NALF1: variants seen among roughly 807,000 people sequenced by gnomAD.
NALF1 encodes the protein NALCN channel auxiliary factor 1.
NALF1 carries 3 observed loss-of-function variants against 48.4 expected under a neutral mutation model. The ratio of observed to expected loss-of-function variants is 0.06; its 90% confidence interval spans 0.03 to 0.16. The LOEUF (loss-of-function observed/expected upper bound fraction) is 0.16. Among genes scored for constraint, NALF1 ranks in the 10% least tolerant of loss-of-function variants. The pLI, the probability that NALF1 is intolerant of heterozygous loss-of-function variation, is 1.00. For synonymous variants in NALF1, 262 were observed against 245.7 expected (o/e 1.07, Z -0.62); for missense variants, 526 against 571.5 (o/e 0.92, Z 0.81).
At chr13:107,179,679 A>C (rs1226512560) in intron 2 of NALF1, among the ~76,000 whole-genome samples, 1 of 151,420 alleles carries the variant, frequency 6.6e-6, no homozygotes, top group East Asian at 1.9e-4. Flanking sequence ...ACTAAAAAAA[A>C]AAAAAAACCA....
rs191128195 is a variant in NALF1 at position 107,181,804 on chromosome 13, C to A, written c.1088-11018G>T. The stretch of plus-strand genomic sequence containing the variant: ...TCATAAACACATTTCACTAGACATT[C>A]ATCACTAAACTAGGAAAAATATGAC... On this transcript the variant is annotated intron_variant, in intron 2 of 2. Transcript: ENST00000375915. Among the ~76,000 whole-genome samples, 332 of 152,138 alleles carry A rather than the reference C, an allele frequency of 2.2e-3. 1 individual carries two copies. Among genetic ancestry groups the A allele is most frequent in the African/African-American group, 7.4e-3 (306 of 41,552 alleles).
At chr13:107,355,120 C>T (rs892464844) in intron 1 of NALF1, among the ~76,000 whole-genome samples, 1 of 152,126 alleles carries the variant, frequency 6.6e-6, no homozygotes, top group Non-Finnish European at 1.5e-5. Flanking sequence ...AGTCTTTGGG[C>T]CGGTTGCCCT....
intron 1 of NALF1, among the ~76,000 whole-genome samples, chr13:107,758,001 A>T (rs1190598280): frequency 3.3e-5 from 5 of 152,190 alleles, no homozygotes; most frequent in Admixed American, 6.5e-5. Context: ...GAGACAGATT[A>T]TCTCTTTATT....
intron 1 of NALF1, among the ~76,000 whole-genome samples, chr13:107,485,898 C>G (rs137945921): frequency 2.8e-4 from 42 of 152,298 alleles, no homozygotes; most frequent in African/African-American, 9.6e-4. Context: ...CACCCTTCCT[C>G]TCCATCACTT....
intron 1 of NALF1, among the ~76,000 whole-genome samples, chr13:107,542,581 A>T (rs1351097412): frequency 1.3e-5 from 2 of 152,288 alleles, no homozygotes; most frequent in East Asian, 1.9e-4. Flanking sequence ...AGAACCAGAC[A>T]TCAATATCAG....
At position 107,271,814 on chromosome 13, in the gene NALF1, A is replaced by ATATATATATTTATT. The variant is rs1374366280; in HGVS notation, c.916-61060_916-61059insAATAAATATATATA. 2.4e-3 allele frequency among the ~76,000 whole-genome samples: 244 copies of ATATATATATTTATT among 102,396 alleles called. 1 individual carries two copies. Among genetic ancestry groups the ATATATATATTTATT allele is most frequent in the Non-Finnish European group, 2.8e-3 (156 of 55,116 alleles). The allele number at this position is 102,396 out of a possible 152,430, so 67.2% of individuals were successfully genotyped here. A position where few individuals can be genotyped will look rare whatever the true frequency, so the allele number is the denominator to read the frequency against. On this transcript the variant is annotated intron_variant, in intron 1 of 2. Transcript: ENST00000375915. The stretch of plus-strand genomic sequence containing the variant: ...TATATATATATATATATATATATAT[A>ATATATATATTTATT]TATTTATATATTTATATATACAAAT...
chr13:107,449,601 A>C (rs1054183605), intron 1 of NALF1, among the ~76,000 whole-genome samples: 7 of 152,180 alleles, frequency 4.6e-5, no homozygotes, highest in African/African-American at 1.7e-4. Flanking sequence ...GAGAAATTTT[A>C]TTTTGAATCT....
At chr13:107,654,367 C>T (rs761371987) in intron 1 of NALF1, among the ~76,000 whole-genome samples, 5 of 152,024 alleles carry the variant, frequency 3.3e-5, no homozygotes, top group African/African-American at 7.2e-5. Context: ...GCGAAAACTG[C>T]GATAACTTTT....
At chr13:107,442,137 G>A (rs894402293) in intron 1 of NALF1, among the ~76,000 whole-genome samples, 3 of 152,040 alleles carry the variant, frequency 2.0e-5, no homozygotes, top group African/African-American at 7.2e-5. Context: ...GCAGCCTATA[G>A]GCAGGAATAA....
chr13:107,171,391 A>C (rs921313087), intron 2 of NALF1, among the ~76,000 whole-genome samples: 1 of 152,156 alleles, frequency 6.6e-6, no homozygotes, highest in Non-Finnish European at 1.5e-5. Flanking sequence ...CTTTCTACAG[A>C]AGTCTGCCTC....
At chr13:107,288,648 C>CA (rs1299495228) in intron 1 of NALF1, among the ~76,000 whole-genome samples, 1 of 151,532 alleles carries the variant, frequency 6.6e-6, no homozygotes, top group East Asian at 1.9e-4. Context: ...TGTCCTGCCT[C>CA]AGCCTCCGGA....
At chr13:107,336,368 G>GATGATA (rs1555333091) in intron 1 of NALF1, among the ~76,000 whole-genome samples, 10 of 127,296 alleles carry the variant, frequency 7.9e-5, no homozygotes, top group South Asian at 2.3e-4. Flanking sequence ...TGATGATGAT[G>GATGATA]ATAATAATAA....
chr13:107,511,865 C>T (rs920935241), intron 1 of NALF1, among the ~76,000 whole-genome samples: 6 of 152,138 alleles, frequency 3.9e-5, no homozygotes, highest in South Asian at 2.1e-4. Flanking sequence ...TCTTCACCTC[C>T]GTCTAATGGC....
chr13:107,452,410 C>T (rs1884757165), intron 1 of NALF1, among the ~76,000 whole-genome samples: 2 of 152,146 alleles, frequency 1.3e-5, no homozygotes, highest in South Asian at 4.2e-4. Flanking sequence ...GCATCTTCTT[C>T]ACAAGGTGGC....
chr13:107,225,684 A>G (rs1880087506), intron 1 of NALF1, among the ~76,000 whole-genome samples: 1 of 152,174 alleles, frequency 6.6e-6, no homozygotes, highest in Admixed American at 6.5e-5. Context: ...AGATCTTTAA[A>G]TGCTCACTCT....
chr13:107,238,378 C>T (rs562761140), intron 1 of NALF1, among the ~76,000 whole-genome samples: 28 of 152,242 alleles, frequency 1.8e-4, no homozygotes, highest in African/African-American at 6.7e-4. Flanking sequence ...AGTAGCACGG[C>T]TTTTTGTTAA....
chr13:107,734,648 T>C (rs1218221617), intron 1 of NALF1, among the ~76,000 whole-genome samples: 1 of 152,090 alleles, frequency 6.6e-6, no homozygotes, highest in East Asian at 1.9e-4. Context: ...AATAGATGGG[T>C]GACTTGATTA....
intron 1 of NALF1, among the ~76,000 whole-genome samples, chr13:107,380,681 T>C (rs1037032596): frequency 1.3e-5 from 2 of 152,104 alleles, no homozygotes; most frequent in African/African-American, 4.8e-5. Context: ...GATTTAAGAA[T>C]ACATACATTT....
intron 1 of NALF1, among the ~76,000 whole-genome samples, chr13:107,818,654 C>T (rs1208220982): frequency 6.7e-6 from 1 of 150,242 alleles, no homozygotes; most frequent in Non-Finnish European, 1.5e-5. Context: ...GGGCGGATCA[C>T]GAGGTCAGGA....
Sources: gnomAD v4.1 joint callset for allele counts (sites outside exome capture counted in the v4.1 genomes callset) on GRCh38, gnomAD v4.1.1 for gene constraint, MANE v1.5 for transcripts, NCBI Gene and HGNC (gene_info 2026-07-23, HGNC 2026-07-21) for gene names.